Variants in RNF10 observed in about 807,000 individuals in gnomAD.
RNF10 encodes the protein E3 ubiquitin-protein ligase RNF10.
In RNF10, 38 loss-of-function variants were observed where a neutral mutation model predicts 91.4. The observed-to-expected ratio is 0.42, with a 90% CI of 0.32 to 0.54. RNF10 has a LOEUF of 0.54. Ranked by LOEUF, RNF10 falls within the 20% of genes least tolerant of loss-of-function variation. The pLI, the probability that RNF10 is intolerant of heterozygous loss-of-function variation, is 0.16. For synonymous variants in RNF10, 364 were observed against 366.3 expected (o/e 0.99, Z 0.07); for missense variants, 945 against 1,012.0 (o/e 0.93, Z 0.90).
In RNF10 at chr12:120,563,483, C is replaced by T; in HGVS notation, c.1391C>T (p.Pro464Leu). Residue 464 changes from proline to leucine, a missense_variant, in exon 9 of 17, where the codon CCA becomes CTA. Pro to Leu is a moderately conservative substitution (Grantham distance 98, BLOSUM62 -3). Transcript: ENST00000325954. ...TCTGAACCAGAGCCTGAGGGGTTGCCAGAGGCCTGTGATGACTTGGAGTTA... is the reference window on the plus strand; with the variant it reads ...TCTGAACCAGAGCCTGAGGGGTTGCTAGAGGCCTGTGATGACTTGGAGTTA... The part of the protein sequence containing the change: ...AVSEPEPEGL[P>L]EACDDLELAD... 1.2e-6 allele frequency: 2 copies of T among 1,614,088 alleles called. No individual in the cohort carries two copies. The highest frequency in any genetic ancestry group is 1.7e-6 in the Non-Finnish European group (2 of 1,180,028).
Position 120,575,942 on chromosome 12 carries a change from C to T in RNF10, c.2351C>T (p.Pro784Leu), listed in dbSNP as rs1386880420. Residue 784 changes from proline (P) to leucine (L), a missense_variant, in exon 16 of 17, where the codon CCC (proline) becomes CTC (leucine). Transcript: ENST00000325954. ...CTGGACACACCAGCTACTTCAGATC[C>T]CCTCTCTGGTAAGGGCAGAGGCTGG... Reference protein sequence around the residue: ...MKLDTPATSDPLSEEKGGKKR... With the variant: ...MKLDTPATSDLLSEEKGGKKR... 1 of 1,613,600 alleles carries T rather than the reference C, an allele frequency of 6.2e-7. No individual in the cohort carries two copies. Among genetic ancestry groups the T allele is most frequent in the Non-Finnish European group, 8.5e-7 (1 of 1,180,024 alleles).
chr12:120,547,167 T>C (rs528831352), intron 2 of RNF10, among the ~76,000 whole-genome samples: 3 of 152,090 alleles, frequency 2.0e-5, no homozygotes, highest in Admixed American at 6.6e-5. Flanking sequence ...AAAAAAAATA[T>C]AGACTGAGGG....
intron 14 of RNF10, chr12:120,575,365 C>A (rs911487114): frequency 2.4e-6 from 1 of 420,828 alleles, no homozygotes; most frequent in Admixed American, 4.0e-5. Context: ...GTAAGAATCT[C>A]TTGTGCCTTC....
chr12:120,542,016 G>A (rs1205206790), intron 1 of RNF10, among the ~76,000 whole-genome samples: 8 of 151,128 alleles, frequency 5.3e-5, no homozygotes, highest in South Asian at 2.1e-4. Context: ...ACAGGCTCCC[G>A]CCACCACGCC....
At chr12:120,552,376 G>A in intron 2 of RNF10, 123 bp from the exon 3 acceptor site, 1 of 773,704 alleles carries the variant, frequency 1.3e-6, no homozygotes, top group African/African-American at 1.8e-5. Flanking sequence ...CTCCAGCCTG[G>A]ATGACAGAGT....
intron 14 of RNF10, among the ~76,000 whole-genome samples, chr12:120,574,043 C>T (rs1445357823): frequency 1.3e-5 from 2 of 152,214 alleles, no homozygotes; most frequent in South Asian, 2.1e-4. Context: ...ATGACCCATA[C>T]ATCTCCCATT....
chr12:120,560,619 C>T (rs1874706177), intron 6 of RNF10, 107 bp from the exon 7 acceptor site: 1 of 1,033,968 alleles, frequency 9.7e-7, no homozygotes, highest in South Asian at 1.6e-5. Context: ...TGCTAAATTA[C>T]CCCATTTTCA....
At chr12:120,537,005 C>T (rs773417578) in intron 1 of RNF10, among the ~76,000 whole-genome samples, 1 of 152,206 alleles carries the variant, frequency 6.6e-6, no homozygotes, top group Non-Finnish European at 1.5e-5. Flanking sequence ...CAAGATGATA[C>T]AGAATTCTAT....
rs1164510219 is a variant in RNF10, at chr12:120,563,104, T to G, written c.1254+34T>G. 3 of 1,613,670 alleles carry G rather than the reference T, an allele frequency of 1.9e-6. No individual in the cohort carries two copies. In the Admixed American group the frequency reaches 5.0e-5, roughly 27 times the overall value. ...GTTCCTGTTACTAAGTGGCTGCCGT[T>G]CCTCAAATGCTGTCATTGAGCTGGT... On this transcript the variant is annotated intron_variant, in intron 8 of 16. Coordinates refer to ENST00000325954, the MANE Select transcript of RNF10 (RefSeq NM_014868.5).
At chr12:120,556,256 C>T (rs879922594) in intron 4 of RNF10, among the ~76,000 whole-genome samples, 20 of 151,254 alleles carry the variant, frequency 1.3e-4, no homozygotes, top group Non-Finnish European at 2.5e-4. Context: ...GAACTCTCGC[C>T]GGGCGCGGTG....
intron 2 of RNF10, among the ~76,000 whole-genome samples, chr12:120,547,119 C>T (rs1394494062): frequency 1.3e-5 from 2 of 151,866 alleles, no homozygotes; most frequent in East Asian, 1.9e-4. Context: ...GAGTAAATTA[C>T]GTTTCATACC....
At chr12:120,549,902 G>T (rs185589504) in intron 2 of RNF10, among the ~76,000 whole-genome samples, 2 of 152,182 alleles carry the variant, frequency 1.3e-5, no homozygotes, top group Non-Finnish European at 2.9e-5. Flanking sequence ...AGGTCCTAGT[G>T]GGGGTAAAGA....
chr12:120,563,064 C>T lies in RNF10; in HGVS notation c.1248C>T (p.Pro416=). ...APLAKESVFQ[P]RKGVLEYLSA... ...TGGCGAAGGAGTCTGTTTTTCAACC[C>T]AGGAAGGTTAGTGTGTTCCTGTTAC... is the stretch of plus-strand genomic sequence containing the variant. Residue 416 remains proline (P), a synonymous_variant, in exon 8 of 17, where the codon CCC becomes CCT. Coordinates refer to ENST00000325954, the MANE Select transcript of RNF10 (RefSeq NM_014868.5). The T allele has an allele frequency of 6.2e-7, 1 of 1,614,056 alleles. No homozygotes were observed. Among genetic ancestry groups the T allele is most frequent in the South Asian group, 1.1e-5 (1 of 91,054 alleles).
chr12:120,540,948 C>T (rs1369305715), intron 1 of RNF10, among the ~76,000 whole-genome samples: 7 of 151,686 alleles, frequency 4.6e-5, no homozygotes, highest in African/African-American at 1.7e-4. Context: ...CTCCACCTCC[C>T]GGGTTCAAGC....
At chr12:120,559,275 C>T (rs180711859) in intron 6 of RNF10, among the ~76,000 whole-genome samples, 9 of 147,314 alleles carry the variant, frequency 6.1e-5, no homozygotes, top group Admixed American at 4.1e-4. Flanking sequence ...TCCACCTCCT[C>T]GGTTCAAACG....
At position 120,576,789 on chromosome 12, in the gene RNF10, G is replaced by T; in HGVS notation, c.*123G>T. 3.6e-6 allele frequency: 5 copies of T among 1,378,726 alleles called. No individual in the cohort carries two copies. Among genetic ancestry groups the T allele is most frequent in the South Asian group, 1.4e-5 (1 of 71,912 alleles). 85.4% of individuals were successfully genotyped at this position (1,378,726 alleles called of 1,614,324 possible). ...TTTGAACAGATTAGCTCTGGGGGGAGGGGGTTTCCACAATGTGAGGGGGAA... is the reference window on the plus strand; with the variant it reads ...TTTGAACAGATTAGCTCTGGGGGGATGGGGTTTCCACAATGTGAGGGGGAA... On this transcript the variant is annotated 3_prime_UTR_variant, in exon 17 of 17. Transcript: ENST00000325954.
At chr12:120,553,115 G>C (rs554458953) in intron 3 of RNF10, among the ~76,000 whole-genome samples, 1 of 107,060 alleles carries the variant, frequency 9.3e-6, no homozygotes. Context: ...ATGTAGTCTC[G>C]CTCTGCCACC....
chr12:120,568,578 C>T (rs924491982), intron 13 of RNF10, among the ~76,000 whole-genome samples: 2 of 151,320 alleles, frequency 1.3e-5, no homozygotes, highest in South Asian at 2.1e-4. Context: ...CGGGTTCAAG[C>T]GATTCTTCTG....
chr12:120,557,831 G>A (rs879210488), intron 6 of RNF10, 149 bp downstream of exon 6: 2 of 833,028 alleles, frequency 2.4e-6, no homozygotes, highest in African/African-American at 1.7e-5. Flanking sequence ...TTAGGGTGGG[G>A]TTTGTAGAGA....
Sources: allele counts gnomAD v4.1 joint callset (sites outside exome capture counted in the v4.1 genomes callset), GRCh38; gene constraint gnomAD v4.1.1; transcripts MANE v1.5; gene names NCBI Gene and HGNC (gene_info 2026-07-23, HGNC 2026-07-21).